RPS6KA5: variants seen among roughly 807,000 people sequenced by gnomAD.
RPS6KA5 encodes ribosomal protein S6 kinase alpha-5.
A neutral mutation model predicts 85.5 loss-of-function variants in RPS6KA5; 27 were observed. That is an observed-to-expected ratio of 0.32 (90% CI 0.23 to 0.44). The LOEUF (loss-of-function observed/expected upper bound fraction) is 0.44. RPS6KA5 is among the 20% of genes least tolerant of loss of function. The pLI is 1.00. For synonymous variants in RPS6KA5, 334 were observed against 348.2 expected (o/e 0.96, Z 0.46); for missense variants, 811 against 980.9 (o/e 0.83, Z 2.31).
In RPS6KA5 at chr14:91,042,469, C is replaced by A. The variant is rs553745105; in HGVS notation, c.103+17863G>T. 1.6e-3 allele frequency among the ~76,000 whole-genome samples: 245 copies of A among 152,108 alleles called. 2 individuals carry two copies. The highest frequency in any genetic ancestry group is 5.8e-3 in the African/African-American group (239 of 41,480). On this transcript the variant is annotated intron_variant, in intron 1 of 16. Transcript: ENST00000614987. Reference sequence around the variant, plus strand: ...GAGGTTGCAGTGAGCTGAGATCGCACCACCGCACTCCAGCCTGGGCACAGA... The same window carrying A: ...GAGGTTGCAGTGAGCTGAGATCGCAACACCGCACTCCAGCCTGGGCACAGA...
chr14:90,949,464 AT>A (rs1431923791), intron 3 of RPS6KA5, among the ~76,000 whole-genome samples: 4 of 152,218 alleles, frequency 2.6e-5, no homozygotes, highest in Non-Finnish European at 4.4e-5. Context: ...CTATTTACTC[AT>A]CATAGTGCCT....
intron 8 of RPS6KA5, among the ~76,000 whole-genome samples, chr14:90,904,539 C>T (rs1302519215): frequency 6.6e-6 from 1 of 152,100 alleles, no homozygotes; most frequent in Admixed American, 6.5e-5. Context: ...TTTTTTCTCT[C>T]TGCAGCTGTA....
In RPS6KA5 at chr14:91,023,830, T is replaced by A. The variant is rs1429662659; in HGVS notation, c.104-22671A>T. Reference sequence around the variant, plus strand: ...TTTAAAATATTAAAATCTAACAATATCACTCAATATTGAAGTCTAATAGTA... The same window carrying A: ...TTTAAAATATTAAAATCTAACAATAACACTCAATATTGAAGTCTAATAGTA... On this transcript the variant is annotated intron_variant, in intron 1 of 16. Transcript: ENST00000614987. 2.6e-5 allele frequency among the ~76,000 whole-genome samples: 4 copies of A among 152,346 alleles called. No homozygotes were observed. In the East Asian group the frequency reaches 7.7e-4, roughly 29 times the overall value.
intron 14 of RPS6KA5, among the ~76,000 whole-genome samples, chr14:90,878,959 T>A (rs955078653): frequency 1.3e-5 from 2 of 152,124 alleles, no homozygotes; most frequent in African/African-American, 2.4e-5. Context: ...CAGGTATCTG[T>A]GAAAGATGAG....
intron 1 of RPS6KA5, among the ~76,000 whole-genome samples, chr14:91,022,339 T>A (rs75668372): frequency 1.3e-5 from 2 of 152,172 alleles, no homozygotes; most frequent in Non-Finnish European, 2.9e-5. Context: ...AATATTATAA[T>A]GGGGATCCAA....
intron 2 of RPS6KA5, among the ~76,000 whole-genome samples, chr14:90,993,908 A>ATT (rs547691120): frequency 1.4e-5 from 2 of 143,356 alleles, no homozygotes; most frequent in Non-Finnish European, 3.1e-5. Context: ...TCTATTCTCT[A>ATT]TTTTTTTTTT....
chr14:91,029,170 G>A (rs2042093121), intron 1 of RPS6KA5, among the ~76,000 whole-genome samples: 1 of 152,076 alleles, frequency 6.6e-6, no homozygotes, highest in Non-Finnish European at 1.5e-5. Flanking sequence ...TTTGTTGTGT[G>A]CCCATAAAAG....
chr14:90,859,979 G>A lies in RPS6KA5; in HGVS notation c.*12095C>T, dbSNP rs567156659. The A allele has an allele frequency of 6.6e-6, 1 of 151,596 alleles. No homozygotes were observed. The highest frequency in any genetic ancestry group is 2.1e-4 in the South Asian group (1 of 4,808). The allele number at this position is 151,596 out of a possible 1,614,324, so 9.4% of individuals were successfully genotyped here. Reference sequence around the variant, plus strand: ...CCTGTCGGGGGGTTGGGGGCTAGGGGAGGGATAACATTAGGAGAAATACCT... The same window carrying A: ...CCTGTCGGGGGGTTGGGGGCTAGGGAAGGGATAACATTAGGAGAAATACCT... On this transcript the variant is annotated 3_prime_UTR_variant, in exon 17 of 17. Transcript: ENST00000614987.
In RPS6KA5 at chr14:91,050,402, A is replaced by AC. The variant is rs1313503810; in HGVS notation, c.103+9929_103+9930insG. Reference sequence around the variant, plus strand: ...TCAAAAATAACAAAAACAAAAACAAAAACAAAGCATCTTATTGGCTTGTTT... The same window carrying AC: ...TCAAAAATAACAAAAACAAAAACAAACAACAAAGCATCTTATTGGCTTGTTT... On this transcript the variant is annotated intron_variant, in intron 1 of 16. Coordinates refer to ENST00000614987, the MANE Select transcript of RPS6KA5 (RefSeq NM_004755.4). Among the ~76,000 whole-genome samples, 3 of 152,042 alleles carry AC rather than the reference A, an allele frequency of 2.0e-5. No individual in the cohort carries two copies. In the East Asian group the frequency reaches 5.8e-4, roughly 29 times the overall value.
intron 12 of RPS6KA5, among the ~76,000 whole-genome samples, chr14:90,896,635 G>C (rs994189037): frequency 1.3e-5 from 2 of 152,126 alleles, no homozygotes; most frequent in African/African-American, 4.8e-5. Context: ...GAAATGTTGG[G>C]GGGTGTCTAG....
intron 3 of RPS6KA5, among the ~76,000 whole-genome samples, chr14:90,957,067 T>G (rs2038559752): frequency 6.6e-6 from 1 of 151,914 alleles, no homozygotes; most frequent in African/African-American, 2.4e-5. Context: ...TGTTTTTTGT[T>G]TTGTTTTGTT....
chr14:90,918,680 G>A (rs2036246319), intron 7 of RPS6KA5, among the ~76,000 whole-genome samples: 2 of 152,216 alleles, frequency 1.3e-5, no homozygotes, highest in South Asian at 4.1e-4. Flanking sequence ...TCCATTTTGA[G>A]TTAATTTTTC....
chr14:90,976,221 A>AAG (rs2039564843), intron 3 of RPS6KA5, among the ~76,000 whole-genome samples: 1 of 146,592 alleles, frequency 6.8e-6, no homozygotes, highest in Non-Finnish European at 1.5e-5. Context: ...AAAAAAAAAA[A>AAG]AGAGAGGAGA....
chr14:90,980,107 A>G (rs2039729482), intron 2 of RPS6KA5, among the ~76,000 whole-genome samples: 1 of 152,236 alleles, frequency 6.6e-6, no homozygotes, highest in Admixed American at 6.5e-5. Flanking sequence ...TGAATCAACA[A>G]GATGAAATGA....
intron 3 of RPS6KA5, among the ~76,000 whole-genome samples, chr14:90,974,698 C>T (rs2039483209): frequency 6.6e-6 from 1 of 152,350 alleles, no homozygotes; most frequent in Non-Finnish European, 1.5e-5. Context: ...GCCCAGCTAA[C>T]AGCTAGCACC....
Position 90,887,083 on chromosome 14 carries a change from T to C in RPS6KA5, c.1836+3404A>G, listed in dbSNP as rs377175632. Among the ~76,000 whole-genome samples the C allele has an allele frequency of 4.4e-4, 67 of 152,362 alleles. No individual in the cohort carries two copies. In the Middle Eastern group the frequency reaches 0.014, roughly 31 times the overall value. On this transcript the variant is annotated intron_variant, in intron 14 of 16. Transcript: ENST00000614987. ...GTATCTAGATATGCATTCATTTATA[T>C]AGAAAAGTTAGCAAAGCACTCTTTT...
intron 1 of RPS6KA5, among the ~76,000 whole-genome samples, chr14:91,046,681 G>A (rs1368414216): frequency 3.3e-5 from 5 of 152,080 alleles, no homozygotes; most frequent in African/African-American, 4.8e-5. Context: ...ATAGAAAACC[G>A]CATCGTACAA....
intron 5 of RPS6KA5, among the ~76,000 whole-genome samples, chr14:90,930,633 A>G (rs1042863438): frequency 2.0e-5 from 3 of 152,168 alleles, no homozygotes; most frequent in Middle Eastern, 6.3e-3. Context: ...TGCAAATCAT[A>G]TATCTGATAA....
chr14:91,019,959 C>T (rs1227808217), intron 1 of RPS6KA5, among the ~76,000 whole-genome samples: 1 of 152,180 alleles, frequency 6.6e-6, no homozygotes, highest in Non-Finnish European at 1.5e-5. Context: ...TACACCTAGG[C>T]TAGATGATCT....
Sources: gnomAD v4.1 joint callset for allele counts (sites outside exome capture counted in the v4.1 genomes callset) on GRCh38, gnomAD v4.1.1 for gene constraint, MANE v1.5 for transcripts, NCBI Gene and HGNC (gene_info 2026-07-23, HGNC 2026-07-21) for gene names.